The following SOAT1 variants were observed in gnomAD, a reference collection of about 807,000 sequenced individuals.
SOAT1 encodes the protein sterol O-acyltransferase 1, also known as acyl-coenzyme A:cholesterol acyltransferase 1.
In SOAT1, 55 loss-of-function variants were observed where a neutral mutation model predicts 69.5. The ratio of observed to expected loss-of-function variants is 0.79; its 90% CI spans 0.64 to 0.99. The LOEUF (loss-of-function observed/expected upper bound fraction) is 0.99. Among genes scored for constraint, SOAT1 ranks in the 50% least tolerant of loss-of-function variants. The pLI, the probability that SOAT1 is intolerant of heterozygous loss-of-function variation, is 0.00. For missense variants in SOAT1, 580 were observed against 669.3 expected (o/e 0.87, Z 1.47); for synonymous variants, 231 against 224.7 (o/e 1.03, Z -0.25).
At chr1:179,298,460 C>CT (rs1336459834) in intron 1 of SOAT1, among the ~76,000 whole-genome samples, 1 of 152,044 alleles carries the variant, frequency 6.6e-6, no homozygotes, top group African/African-American at 2.4e-5. Context: ...TTACCAAGGA[C>CT]TCCCTTTTTA....
At chr1:179,320,434 G>C (rs1437513744) in intron 2 of SOAT1, among the ~76,000 whole-genome samples, 1 of 151,770 alleles carries the variant, frequency 6.6e-6, no homozygotes, top group Non-Finnish European at 1.5e-5. Flanking sequence ...GAGTTTTCCA[G>C]CTTTGTTATT....
chr1:179,319,386 C>CA (rs1321477602), intron 2 of SOAT1, among the ~76,000 whole-genome samples: 1 of 151,780 alleles, frequency 6.6e-6, no homozygotes, highest in African/African-American at 2.4e-5. Flanking sequence ...TCACCTGCCT[C>CA]AGCCTCCCAA....
At chr1:179,327,770 C>T (rs940929034) in intron 3 of SOAT1, among the ~76,000 whole-genome samples, 2 of 152,022 alleles carry the variant, frequency 1.3e-5, no homozygotes, top group African/African-American at 2.4e-5. Flanking sequence ...TGAAGAAGTT[C>T]GTCAAGCATT....
Position 179,339,510 on chromosome 1 carries a change from C to T in SOAT1, c.462C>T (p.Leu154=). ...TTGCCCTCCTCATTCTCTTTATCCT[C>T]AGCACACTTGTAGTAGATTACATTG... ...MFIALLILFI[L]STLVVDYIDE... The change falls in exon 6 of 16, where the codon CTC becomes CTT. Residue 154 remains leucine (L), a synonymous_variant. Transcript: ENST00000367619. 6.2e-7 allele frequency: 1 copy of T among 1,612,378 alleles called. No homozygotes were observed. Among genetic ancestry groups the T allele is most frequent in the Non-Finnish European group, 8.5e-7 (1 of 1,179,126 alleles).
chr1:179,334,849 C>G (rs1022125550), intron 3 of SOAT1, among the ~76,000 whole-genome samples: 2 of 151,812 alleles, frequency 1.3e-5, no homozygotes, highest in Admixed American at 1.3e-4. Flanking sequence ...AACCCTGTCT[C>G]TACGAAAAAT....
At chr1:179,309,792 CTT>C (rs2124945283) in intron 2 of SOAT1, among the ~76,000 whole-genome samples, 1 of 151,842 alleles carries the variant, frequency 6.6e-6, no homozygotes, top group African/African-American at 2.4e-5. Context: ...AGTGATTTGT[CTT>C]TTGACTTTGC....
Position 179,341,178 on chromosome 1 carries a change from G to A in SOAT1, c.648G>A (p.Pro216=), listed in dbSNP as rs78218236. The change falls in exon 7 of 16, where the codon CCG becomes CCA. Residue 216 remains proline (P), a synonymous_variant. Coordinates refer to ENST00000367619, the MANE Select transcript of SOAT1 (RefSeq NM_003101.6). ...WATGYSKSSH[P]LIRSLFHGFL... is the part of the protein sequence containing the mutation. ...CTGGCTATAGCAAGAGTTCTCATCC[G>A]CTGATCCGTTCTCTCTTCCATGGCT... 1.3e-3 allele frequency: 2,042 copies of A among 1,613,984 alleles called. 27 individuals are homozygous for A. The African/African-American group carries it at 0.024, about 19-fold the overall frequency.
rs150828449 is a variant in SOAT1 at position 179,345,725 on chromosome 1, T to C, written c.1117+649T>C. 1.6e-4 allele frequency among the ~76,000 whole-genome samples: 24 copies of C among 152,202 alleles called. No homozygotes were observed. In the East Asian group the frequency reaches 4.6e-3, roughly 29 times the overall value. ...GCCACCATGCCTGGCTAAGTTTTTA[T>C]TTTTTGGAGAGACGGGGTCTCCCTA... is the stretch of plus-strand genomic sequence containing the variant. On this transcript the variant is annotated intron_variant, in intron 11 of 15. Coordinates refer to ENST00000367619, the MANE Select transcript of SOAT1 (RefSeq NM_003101.6).
At chr1:179,312,192 G>A (rs1665240357) in intron 2 of SOAT1, among the ~76,000 whole-genome samples, 1 of 152,166 alleles carries the variant, frequency 6.6e-6, no homozygotes, top group African/African-American at 2.4e-5. Context: ...CCTGCCTAAG[G>A]CTTGACTGCA....
At chr1:179,311,119 A>C (rs776769832) in intron 2 of SOAT1, among the ~76,000 whole-genome samples, 8 of 152,198 alleles carry the variant, frequency 5.3e-5, no homozygotes, top group Non-Finnish European at 1.2e-4. Flanking sequence ...TAATCCATGC[A>C]CTTTGAGTAG....
chr1:179,324,176 A>C lies in SOAT1; in HGVS notation c.177+681A>C, dbSNP rs530739260. Reference sequence around the variant, plus strand: ...TTTAGTTACATGCATGTATGTATGTACATATGCATTTATAGAATAATCTAG... The same window carrying C: ...TTTAGTTACATGCATGTATGTATGTCCATATGCATTTATAGAATAATCTAG... On this transcript the variant is annotated intron_variant, in intron 3 of 15. Transcript: ENST00000367619. 6.1e-4 allele frequency among the ~76,000 whole-genome samples: 93 copies of C among 152,362 alleles called. 1 individual carries two copies. In the South Asian group the frequency reaches 0.014, roughly 24 times the overall value.
At chr1:179,316,833 A>G (rs1336276823) in intron 2 of SOAT1, among the ~76,000 whole-genome samples, 1 of 152,218 alleles carries the variant, frequency 6.6e-6, no homozygotes, top group Non-Finnish European at 1.5e-5. Context: ...TGCATTTTGT[A>G]CCTTCTCATT....
intron 14 of SOAT1, among the ~76,000 whole-genome samples, chr1:179,351,021 CT>C (rs201449849): frequency 4.7e-5 from 6 of 127,538 alleles, no homozygotes; most frequent in African/African-American, 8.7e-5. Context: ...ATATTTCTTT[CT>C]TTTTTTTTTT....
At chr1:179,353,454 T>G in intron 15 of SOAT1, 131 bp from the exon 16 acceptor site, 1 of 783,756 alleles carries the variant, frequency 1.3e-6, no homozygotes, top group South Asian at 1.5e-5. Flanking sequence ...GCTTATACCT[T>G]GAGGGTTGTT....
rs1215692421 is a variant in SOAT1, at chr1:179,347,621, C to CT, written c.1146dup (p.Ala383CysfsTer12). On this transcript the variant is annotated frameshift_variant, in exon 12 of 16. Coordinates refer to ENST00000367619, the MANE Select transcript of SOAT1 (RefSeq NM_003101.6). LOFTEE classifies it high-confidence loss of function. ...TTAGGTGTGCTGATTCTCTTCCTTACTTTTTTTGCCTTTTTGCACTGCTGG... is the reference window on the plus strand; with the variant it reads ...TTAGGTGTGCTGATTCTCTTCCTTACTTTTTTTTGCCTTTTTGCACTGCTGG... The CT allele has an allele frequency of 3.1e-6, 5 of 1,611,122 alleles. No homozygotes were observed. The highest frequency in any genetic ancestry group is 4.5e-5 in the East Asian group (2 of 44,802).
intron 3 of SOAT1, among the ~76,000 whole-genome samples, chr1:179,333,650 A>G (rs1233029520): frequency 6.6e-6 from 1 of 152,064 alleles, no homozygotes; most frequent in Non-Finnish European, 1.5e-5. Flanking sequence ...CCTGACCACC[A>G]TGGAGAAACC....
At chr1:179,334,940 A>G (rs1267851516) in intron 3 of SOAT1, among the ~76,000 whole-genome samples, 1 of 147,038 alleles carries the variant, frequency 6.8e-6, no homozygotes, top group Non-Finnish European at 1.5e-5. Flanking sequence ...ACTTGAACCC[A>G]GGAGGCGGAG....
At chr1:179,342,735 G>GA in intron 8 of SOAT1, 127 bp from the exon 9 acceptor site, 2 of 651,754 alleles carry the variant, frequency 3.1e-6, no homozygotes, top group Non-Finnish European at 5.4e-6. Context: ...CGGAGATCAG[G>GA]AAAAAAGAAC....
rs147672181 is a variant in SOAT1, at chr1:179,301,048, T to C, written c.-8-1629T>C. On this transcript the variant is annotated intron_variant, in intron 1 of 15. Coordinates refer to ENST00000367619, the MANE Select transcript of SOAT1 (RefSeq NM_003101.6). ...AGGCGGAGGTTGCAGTGAGCCGAGA[T>C]TGCACCATTGCACTCCCACCTGGGC... 7.1e-3 allele frequency among the ~76,000 whole-genome samples: 1,084 copies of C among 152,212 alleles called. 12 individuals are homozygous for C. Among genetic ancestry groups the C allele is most frequent in the African/African-American group, 0.024 (997 of 41,530 alleles).
Sources: gnomAD v4.1 joint callset for allele counts (sites outside exome capture counted in the v4.1 genomes callset) on GRCh38, gnomAD v4.1.1 for gene constraint, MANE v1.5 for transcripts, NCBI Gene and HGNC (gene_info 2026-07-23, HGNC 2026-07-21) for gene names.